Variants in KLHL23 observed in about 807,000 individuals in gnomAD.
KLHL23 encodes the protein kelch-like protein 23.
A neutral mutation model predicts 48.9 loss-of-function variants in KLHL23; 33 were observed. The ratio of observed to expected loss-of-function variants is 0.67; its 90% CI spans 0.51 to 0.90. The LOEUF is 0.90. Ranked by LOEUF, KLHL23 falls within the 40% of genes least tolerant of loss-of-function variation. The pLI is 0.00. For missense variants in KLHL23, 608 were observed against 669.6 expected (o/e 0.91, Z 1.02); for synonymous variants, 234 against 231.6 (o/e 1.01, Z -0.09).
chr2:169,741,198 A>T (rs1688668995), intron 2 of KLHL23, 187 bp from the exon 3 acceptor site: 1 of 590,130 alleles, frequency 1.7e-6, no homozygotes, highest in Non-Finnish European at 2.7e-6. Context: ...GTTTGTGTGC[A>T]CGTCTCACCC....
In KLHL23 at chr2:169,735,436, G is replaced by T. The variant is rs781743565; in HGVS notation, c.422G>T (p.Gly141Val). The T allele has an allele frequency of 2.5e-6, 4 of 1,613,980 alleles. No individual in the cohort carries two copies. Among genetic ancestry groups the T allele is most frequent in the Non-Finnish European group, 3.4e-6 (4 of 1,180,026 alleles). ...VRHLDIDNCI[G>V]MHSFAEFHVC... The stretch of plus-strand genomic sequence containing the variant: ...CACTTGGATATTGATAATTGTATTG[G>T]AATGCACTCCTTTGCAGAATTTCAT... Residue 141 changes from glycine (G) to valine (V), a missense_variant, in exon 2 of 4, where the codon GGA (glycine) becomes GTA (valine). This residue lies in a region of KLHL23 where 419 missense variants were observed against 473.1 expected (regional missense o/e 0.89). Coordinates refer to ENST00000392647, the MANE Select transcript of KLHL23 (RefSeq NM_144711.6). This position sits in a 1 kb window ranked among gnomAD's most constrained non-coding sequence, Gnocchi z 4.5.
rs1482709580 is a variant in KLHL23, at chr2:169,741,326, G to T, written c.1214-59G>T. 6.4e-6 allele frequency: 10 copies of T among 1,553,554 alleles called. No individual in the cohort carries two copies. The African/African-American group carries it at 6.8e-5, about 11-fold the overall frequency. On this transcript the variant is annotated intron_variant, in intron 2 of 3. Coordinates refer to ENST00000392647, the MANE Select transcript of KLHL23 (RefSeq NM_144711.6). ...AAAACAACAATAAATTTAGCCCAGG[G>T]TTCACTGCAAAAAAGAACAAAAGAT...
At chr2:169,744,956 T>TA (rs1688761732) in intron 3 of KLHL23, among the ~76,000 whole-genome samples, 1 of 150,110 alleles carries the variant, frequency 6.7e-6, no homozygotes. Flanking sequence ...TTTTTTTTTT[T>TA]AAAGACAGTC....
In KLHL23 at chr2:169,735,304, C is replaced by T; in HGVS notation, c.290C>T (p.Thr97Ile). ...GAAGGCCTTGTAAATTATGCATACA[C>T]TTCCCAAATTGAAATAACTAAAAGA... The part of the protein sequence containing the change: ...ILEGLVNYAY[T>I]SQIEITKRNV... Residue 97 changes from threonine (T) to isoleucine (I), a missense_variant, in exon 2 of 4, where the codon ACT becomes ATT. Transcript: ENST00000392647. The surrounding 1 kb of genome is among the most constrained non-coding windows in gnomAD (Gnocchi z 4.5). The T allele has an allele frequency of 6.2e-7, 1 of 1,613,568 alleles. No individual in the cohort carries two copies. Among genetic ancestry groups the T allele is most frequent in the Non-Finnish European group, 8.5e-7 (1 of 1,179,938 alleles).
chr2:169,749,757 A>G lies in KLHL23; in HGVS notation c.*25A>G, dbSNP rs559976092. 6.4e-7 allele frequency: 1 copy of G among 1,564,062 alleles called. No homozygotes were observed. The highest frequency in any genetic ancestry group is 8.7e-7 in the Non-Finnish European group (1 of 1,150,586). ...ATTGAATCTGCAGAAATGACCAAGC[A>G]ATCACTTTTTTGGAGTATAGTTTTA... On this transcript the variant is annotated 3_prime_UTR_variant, in exon 4 of 4. Transcript: ENST00000392647.
intron 1 of KLHL23, among the ~76,000 whole-genome samples, chr2:169,734,596 C>CGATGT (rs1324103267): frequency 1.3e-5 from 2 of 152,108 alleles, no homozygotes; most frequent in African/African-American, 2.4e-5. Context: ...CTTGGCATTT[C>CGATGT]GATGTGATTT....
rs1300352627 is a variant in KLHL23, at chr2:169,736,091, G to A, written c.1077G>A (p.Arg359=). 3.7e-6 allele frequency: 6 copies of A among 1,614,016 alleles called. No homozygotes were observed. The highest frequency in any genetic ancestry group is 5.1e-6 in the Non-Finnish European group (6 of 1,180,042). The part of the protein sequence containing the change: ...WTEGLPMLNA[R]YYHCAVTLGG... Reference sequence around the variant, plus strand: ...AAGGTTTGCCAATGCTCAATGCCAGGTATTACCACTGTGCAGTCACCTTGG... The same window carrying A: ...AAGGTTTGCCAATGCTCAATGCCAGATATTACCACTGTGCAGTCACCTTGG... The change falls in exon 2 of 4, where the codon AGG becomes AGA. Residue 359 remains arginine, a synonymous_variant. Coordinates refer to ENST00000392647, the MANE Select transcript of KLHL23 (RefSeq NM_144711.6).
At chr2:169,747,030 G>A (rs80321485) in intron 3 of KLHL23, among the ~76,000 whole-genome samples, 11,791 of 152,116 alleles carry the variant, frequency 0.078, 584 homozygotes, top group Middle Eastern at 0.17. Context: ...TGTCAGTAAC[G>A]AGAAAAATAT....
At position 169,735,734 on chromosome 2, in the gene KLHL23, C is replaced by A. The variant is rs953435201; in HGVS notation, c.720C>A (p.Gly240=). The A allele has an allele frequency of 3.7e-6, 6 of 1,613,888 alleles. No individual in the cohort carries two copies. The African/African-American group carries it at 4.0e-5, about 11-fold the overall frequency. Residue 240 remains glycine, a synonymous_variant, in exon 2 of 4, where the codon GGC becomes GGA. Coordinates refer to ENST00000392647, the MANE Select transcript of KLHL23 (RefSeq NM_144711.6). The surrounding 1 kb of genome is among the most constrained non-coding windows in gnomAD (Gnocchi z 4.5). ...CAGTGTACTTAAAAACAGCCTTAGG[C>A]CTTCAAAGAAGCTGCCTGCTCACCG... The part of the protein sequence containing the change: ...IDPVYLKTAL[G]LQRSCLLTEN...
At chr2:169,741,286 C>A (rs1558947976) in intron 2 of KLHL23, 99 bp from the exon 3 acceptor site, 1 of 1,463,602 alleles carries the variant, frequency 6.8e-7, no homozygotes, top group Non-Finnish European at 9.2e-7. Context: ...TTGCATTTTA[C>A]CATCAGTAAT....
chr2:169,749,559 GGTGCC>G lies in KLHL23; in HGVS notation c.1507_1511del (p.Ala503HisfsTer24). 1.9e-6 allele frequency: 3 copies of G among 1,614,006 alleles called. No homozygotes were observed. Among genetic ancestry groups the G allele is most frequent in the Non-Finnish European group, 1.7e-6 (2 of 1,180,002 alleles). ...CATGATGGAAAGGAGGATGGAGTGCGGTGCCGTCATCATGAATGGATGTATTTATG... is the reference window on the plus strand; with the variant it reads ...CATGATGGAAAGGAGGATGGAGTGCGGTCATCATGAATGGATGTATTTATG... On this transcript the variant is annotated frameshift_variant, in exon 4 of 4. Transcript: ENST00000392647. LOFTEE classifies it high-confidence loss of function.
At position 169,750,073 on chromosome 2, in the gene KLHL23, T is replaced by TAC. The variant is rs1688929278; in HGVS notation, c.*342_*343dup. The stretch of plus-strand genomic sequence containing the variant: ...GTATGTATACATGTATGTGTATATA[T>TAC]ACGTATGTATGTATACATATATGTG... On this transcript the variant is annotated 3_prime_UTR_variant, in exon 4 of 4. Coordinates refer to ENST00000392647, the MANE Select transcript of KLHL23 (RefSeq NM_144711.6). 2 of 162,028 alleles carry TAC rather than the reference T, an allele frequency of 1.2e-5. 1 individual carries two copies. Among genetic ancestry groups the TAC allele is most frequent in the South Asian group, 3.5e-4 (2 of 5,726 alleles). 10.0% of individuals were successfully genotyped at this position (162,028 alleles called of 1,614,324 possible).
chr2:169,740,791 T>TATATATATATATATATATATATATA (rs1291405019), intron 2 of KLHL23, among the ~76,000 whole-genome samples: 15 of 140,246 alleles, frequency 1.1e-4, no homozygotes, highest in African/African-American at 4.1e-4. Context: ...TATATATATA[T>TATATATATATATATATATATATATA]AACTTATTTA....
chr2:169,749,363 A>G (rs542308311), intron 3 of KLHL23, 59 bp from the exon 4 acceptor site: 144 of 1,453,476 alleles, frequency 9.9e-5, no homozygotes, highest in Non-Finnish European at 1.3e-4. Context: ...CACACTGTGG[A>G]ATCTCTTTTG....
chr2:169,747,579 G>A (rs916840486), intron 3 of KLHL23, among the ~76,000 whole-genome samples: 1 of 151,364 alleles, frequency 6.6e-6, no homozygotes, highest in African/African-American at 2.4e-5. Context: ...TAGGATTACA[G>A]GTGTGCACCA....
chr2:169,749,383 C>A, intron 3 of KLHL23, 39 bp from the exon 4 acceptor site: 1 of 1,511,922 alleles, frequency 6.6e-7, no homozygotes, highest in Non-Finnish European at 8.9e-7. Flanking sequence ...GTTTGTTATC[C>A]TTTAAAAAAA....
At chr2:169,743,728 C>T (rs1688728687) in intron 3 of KLHL23, among the ~76,000 whole-genome samples, 2 of 152,348 alleles carry the variant, frequency 1.3e-5, no homozygotes, top group South Asian at 2.1e-4. Flanking sequence ...CGTTTCACCA[C>T]AGTCCTTCCA....
rs1558952460 is a variant in KLHL23, at chr2:169,750,033, G to GTGTATATATACGTATGTATACATATA, written c.*311_*312insCGTATGTATACATATATGTATATATA. On this transcript the variant is annotated 3_prime_UTR_variant, in exon 4 of 4. Transcript: ENST00000392647. ...TATATACGTATGTATGTATACATAT[G>GTGTATATATACGTATGTATACATATA]TGTATATATAGTATGTATGTATACA... 16 of 19,458 alleles carry GTGTATATATACGTATGTATACATATA rather than the reference G, an allele frequency of 8.2e-4. No individual in the cohort carries two copies. Among genetic ancestry groups the GTGTATATATACGTATGTATACATATA allele is most frequent in the South Asian group, 1.9e-3 (2 of 1,064 alleles). The allele number at this position is 19,458 out of a possible 1,614,324, so 1.2% of individuals were successfully genotyped here. A position where few individuals can be genotyped will look rare whatever the true frequency, so the allele number is the denominator to read the frequency against.
rs1350685689 is a variant in KLHL23, at chr2:169,735,927, A to T, written c.913A>T (p.Ile305Leu). Reference sequence around the variant, plus strand: ...AAATGTTTGGATTCAGGGAGCAGAAATACCAGATTATACCAGGGAGAGCTA... The same window carrying T: ...AAATGTTTGGATTCAGGGAGCAGAATTACCAGATTATACCAGGGAGAGCTA... ...LTNVWIQGAE[I>L]PDYTRESYGV... Residue 305 changes from isoleucine to leucine, a missense_variant, in exon 2 of 4, where the codon ATA becomes TTA. By Grantham distance (5) the Ile-to-Leu change is conservative (BLOSUM62 2). This residue lies in a region of KLHL23 where 419 missense variants were observed against 473.1 expected (regional missense o/e 0.89). Transcript: ENST00000392647. This position sits in a 1 kb window ranked among gnomAD's most constrained non-coding sequence, Gnocchi z 4.5. The T allele has an allele frequency of 1.9e-6, 3 of 1,614,164 alleles. No individual in the cohort carries two copies. The highest frequency in any genetic ancestry group is 2.5e-6 in the Non-Finnish European group (3 of 1,180,044).
Sources: allele counts gnomAD v4.1 joint callset (sites outside exome capture counted in the v4.1 genomes callset), GRCh38; gene constraint gnomAD v4.1.1; regional missense constraint gnomAD v4.1.1; non-coding constraint Gnocchi (gnomAD v3.1); transcripts MANE v1.5; gene names NCBI Gene and HGNC (gene_info 2026-07-23, HGNC 2026-07-21).